The following RGL1 variants were observed in gnomAD, a reference collection of about 807,000 sequenced individuals.
RGL1 encodes the protein ral guanine nucleotide dissociation stimulator-like 1.
RGL1 carries 24 observed loss-of-function variants against 95.2 expected under a neutral mutation model. The ratio of observed to expected loss-of-function variants is 0.25; its 90% confidence interval spans 0.18 to 0.35. The LOEUF (loss-of-function observed/expected upper bound fraction) is 0.35, where lower values mean the gene tolerates loss of function less well. Among genes scored for constraint, RGL1 ranks in the 10% least tolerant of loss-of-function variants. The probability of loss-of-function intolerance (pLI) is 1.00; values close to 1 mark genes in which losing one functional copy is unlikely to be tolerated. For synonymous variants in RGL1, 329 were observed against 344.9 expected (o/e 0.95, Z 0.51); for missense variants, 715 against 936.3 (o/e 0.76, Z 3.08).
intron 2 of RGL1, among the ~76,000 whole-genome samples, chr1:183,766,199 G>C (rs1161665657): frequency 6.6e-6 from 1 of 152,146 alleles, no homozygotes; most frequent in Non-Finnish European, 1.5e-5. Flanking sequence ...GAGGTCAGGA[G>C]TTCGAGACCA....
chr1:183,728,441 G>A (rs1453845854), intron 1 of RGL1, among the ~76,000 whole-genome samples: 1 of 152,046 alleles, frequency 6.6e-6, no homozygotes, highest in Non-Finnish European at 1.5e-5. Context: ...CCACTCCAAA[G>A]GGGTTAAATT....
chr1:183,898,792 T>C (rs1001795374), intron 10 of RGL1, among the ~76,000 whole-genome samples: 7 of 152,188 alleles, frequency 4.6e-5, no homozygotes, highest in African/African-American at 2.4e-5. Flanking sequence ...CAGCTGACAG[T>C]GAGTTCCTGA....
chr1:183,760,593 A>AAAAAAAAT (rs1658609853), intron 2 of RGL1, among the ~76,000 whole-genome samples: 1 of 113,160 alleles, frequency 8.8e-6, no homozygotes, highest in African/African-American at 3.1e-5. Flanking sequence ...AAAAAAAAAA[A>AAAAAAAAT]CAAACCTGGG....
intron 2 of RGL1, among the ~76,000 whole-genome samples, chr1:183,783,856 AG>A (rs1019825373): frequency 6.6e-6 from 1 of 152,180 alleles, no homozygotes. Context: ...TGAATGCCTA[AG>A]TTAAATAGGA....
chr1:183,742,305 A>C (rs1273742226), intron 2 of RGL1: 5 of 1,613,670 alleles, frequency 3.1e-6, no homozygotes, highest in Non-Finnish European at 4.2e-6. Flanking sequence ...ATGACTCTAA[A>C]TGACACAGTT....
chr1:183,759,243 GC>G (rs1425903383), intron 2 of RGL1, among the ~76,000 whole-genome samples: 1 of 152,220 alleles, frequency 6.6e-6, no homozygotes, highest in Non-Finnish European at 1.5e-5. Flanking sequence ...TGAGTGGGAA[GC>G]TTAGATTACT....
chr1:183,683,070 C>T (rs897918349), intron 1 of RGL1, among the ~76,000 whole-genome samples: 1 of 151,966 alleles, frequency 6.6e-6, no homozygotes, highest in Non-Finnish European at 1.5e-5. Context: ...TGTGTTTCTG[C>T]ATGTGAGATG....
intron 2 of RGL1, among the ~76,000 whole-genome samples, chr1:183,828,931 C>T (rs1663069303): frequency 6.6e-6 from 1 of 152,182 alleles, no homozygotes; most frequent in Admixed American, 6.5e-5. Flanking sequence ...AGAATAATAA[C>T]ACTGTGCTCA....
rs373228885 is a variant in RGL1, at chr1:183,798,944, G to A, written c.133-7431G>A. Reference sequence around the variant, plus strand: ...CGCCCAGGCTGAGTCTTGCTCTGTCGCCCAGGCTGGAGTGCAGTGGCACCA... The same window carrying A: ...CGCCCAGGCTGAGTCTTGCTCTGTCACCCAGGCTGGAGTGCAGTGGCACCA... On this transcript the variant is annotated intron_variant, in intron 2 of 18. Coordinates refer to the RGL1 transcript ENST00000304685. 1.5e-3 allele frequency among the ~76,000 whole-genome samples: 200 copies of A among 130,950 alleles called. 2 individuals are homozygous for A. The South Asian group carries it at 0.035, about 23-fold the overall frequency. 85.9% of individuals were successfully genotyped at this position (130,950 alleles called of 152,430 possible).
chr1:183,779,763 A>G (rs561851826), intron 2 of RGL1, among the ~76,000 whole-genome samples: 1 of 152,088 alleles, frequency 6.6e-6, no homozygotes, highest in East Asian at 1.9e-4. Context: ...ACTTGTGTAG[A>G]AGTTTGAGGA....
At chr1:183,908,357 G>A (rs969255509) in intron 14 of RGL1, among the ~76,000 whole-genome samples, 2 of 152,122 alleles carry the variant, frequency 1.3e-5, no homozygotes, top group African/African-American at 4.8e-5. Flanking sequence ...CAGCGGCCAC[G>A]CAGGCTGCTA....
intron 1 of RGL1, among the ~76,000 whole-genome samples, chr1:183,694,667 T>C (rs566494320): frequency 1.3e-5 from 2 of 152,376 alleles, no homozygotes; most frequent in Admixed American, 6.5e-5. Context: ...ATCTGATTTA[T>C]ATGTTCTATG....
chr1:183,692,958 T>A (rs879800835), intron 1 of RGL1, among the ~76,000 whole-genome samples: 186 of 117,304 alleles, frequency 1.6e-3, no homozygotes, highest in Non-Finnish European at 1.9e-3. Flanking sequence ...ATAAAAAAAA[T>A]TTTTTTTTTT....
At chr1:183,807,400 G>C (rs1416664998) in intron 2 of RGL1, among the ~76,000 whole-genome samples, 1 of 152,204 alleles carries the variant, frequency 6.6e-6, no homozygotes, top group Admixed American at 6.5e-5. Flanking sequence ...TCAGAGTGTT[G>C]AAGATTTATG....
chr1:183,708,994 G>A (rs1655096616), intron 1 of RGL1, among the ~76,000 whole-genome samples: 1 of 152,200 alleles, frequency 6.6e-6, no homozygotes, highest in Admixed American at 6.5e-5. Flanking sequence ...TTTAATGTGT[G>A]CCTGGGTGCA....
At chr1:183,636,799 G>C (rs553683275) in intron 1 of RGL1, among the ~76,000 whole-genome samples, 1 of 152,176 alleles carries the variant, frequency 6.6e-6, no homozygotes, top group African/African-American at 2.4e-5. Flanking sequence ...CCCATTTCTG[G>C]AATGTAGGAG....
At chr1:183,803,483 C>G (rs762627941), upstream of RGL1, among the ~76,000 whole-genome samples, 2 of 152,126 alleles carry the variant, frequency 1.3e-5, no homozygotes, top group Non-Finnish European at 2.9e-5. Flanking sequence ...TAGTTCTTTT[C>G]CCTTTACACA....
intron 1 of RGL1, among the ~76,000 whole-genome samples, chr1:183,679,792 C>G (rs189109776): frequency 3.3e-5 from 5 of 152,336 alleles, no homozygotes. Flanking sequence ...AATCGCCACA[C>G]TGTCTTCCAC....
Position 183,669,332 on chromosome 1 carries a change from T to C in RGL1, c.-33+32831T>C, listed in dbSNP as rs531595058. On this transcript the variant is annotated intron_variant, in intron 1 of 18. Transcript: ENST00000304685. ...GTTTCTCTTACACTATATTTTTTTG[T>C]AATCTCTGTGATTTCTTTTTTGCTT... Among the ~76,000 whole-genome samples, 76 of 152,356 alleles carry C rather than the reference T, an allele frequency of 5.0e-4. 1 individual carries two copies. Among genetic ancestry groups the C allele is most frequent in the African/African-American group, 1.7e-3 (70 of 41,584 alleles).
Sources: gnomAD v4.1 joint callset for allele counts (sites outside exome capture counted in the v4.1 genomes callset) on GRCh38, gnomAD v4.1.1 for gene constraint, MANE v1.5 for transcripts, NCBI Gene and HGNC (gene_info 2026-07-23, HGNC 2026-07-21) for gene names.